Variants in DGKH observed in about 807,000 individuals in gnomAD.
DGKH encodes the protein diacylglycerol kinase eta, also known as DAG kinase eta.
DGKH carries 90 observed loss-of-function variants against 159.3 expected under a neutral mutation model. The ratio of observed to expected loss-of-function variants is 0.57; its 90% CI spans 0.48 to 0.67. The LOEUF is 0.67. DGKH is among the 30% of genes least tolerant of loss of function. The pLI is 0.00. For synonymous variants in DGKH, 536 were observed against 553.8 expected (o/e 0.97, Z 0.45); for missense variants, 1,181 against 1,506.1 (o/e 0.78, Z 3.57).
chr13:42,152,680 C>T (rs1015810171), intron 3 of DGKH, among the ~76,000 whole-genome samples: 1 of 127,098 alleles, frequency 7.9e-6, no homozygotes, highest in African/African-American at 2.5e-5. Flanking sequence ...GTTTCACTAT[C>T]ACCTTCTATT....
intron 13 of DGKH, among the ~76,000 whole-genome samples, chr13:42,183,337 C>G (rs1956826168): frequency 6.6e-6 from 1 of 150,678 alleles, no homozygotes. Context: ...CTTTAAAAAA[C>G]AATTCTTACT....
rs993866013 is a variant in DGKH, at chr13:42,242,164, T to G, written c.*12976T>G. The G allele has an allele frequency of 6.6e-6, 1 of 152,244 alleles. No individual in the cohort carries two copies. The highest frequency in any genetic ancestry group is 6.5e-5 in the Admixed American group (1 of 15,286). The allele number at this position is 152,244 out of a possible 1,614,324, so 9.4% of individuals were successfully genotyped here. On this transcript the variant is annotated 3_prime_UTR_variant, in exon 30 of 30. Coordinates refer to ENST00000337343, the MANE Select transcript of DGKH (RefSeq NM_178009.5). ...TGACATTCAGCACATTCATTTTATCTTTCGATAAAGATAACCAGAAATCAT... is the reference window on the plus strand; with the variant it reads ...TGACATTCAGCACATTCATTTTATCGTTCGATAAAGATAACCAGAAATCAT...
chr13:42,116,764 G>A (rs1007275831), intron 1 of DGKH, among the ~76,000 whole-genome samples: 3 of 152,186 alleles, frequency 2.0e-5, no homozygotes, highest in Admixed American at 1.3e-4. Context: ...ATCCATGTGT[G>A]TATATAATTT....
At chr13:42,247,293 T>C (rs924084681), downstream of DGKH, among the ~76,000 whole-genome samples, 1 of 149,914 alleles carries the variant, frequency 6.7e-6, no homozygotes, top group Non-Finnish European at 1.5e-5. Context: ...TACAATGGCA[T>C]GATCTCGACT....
chr13:42,155,610 A>C (rs1956023875), intron 4 of DGKH, 57 bp from the exon 5 acceptor site: 1 of 1,612,164 alleles, frequency 6.2e-7, no homozygotes, highest in African/African-American at 1.3e-5. Flanking sequence ...CAAACAGTTC[A>C]GCATCTGTAG....
rs780565413 is a variant in DGKH at position 42,178,263 on chromosome 13, A to G, written c.1538+43A>G. 18 of 1,456,576 alleles carry G rather than the reference A, an allele frequency of 1.2e-5. No homozygotes were observed. The Middle Eastern group carries it at 2.3e-3, about 187-fold the overall frequency. 90.2% of individuals were successfully genotyped at this position (1,456,576 alleles called of 1,614,324 possible). On this transcript the variant is annotated intron_variant, in intron 13 of 29. Coordinates refer to ENST00000337343, the MANE Select transcript of DGKH (RefSeq NM_178009.5). ...AGTCTTTAAATATGGTGAAAATGAAATGATAGCTGGCTCCTACCATTTAGG... is the reference window on the plus strand; with the variant it reads ...AGTCTTTAAATATGGTGAAAATGAAGTGATAGCTGGCTCCTACCATTTAGG...
At chr13:42,044,634 C>T (rs1382891735), upstream of DGKH, among the ~76,000 whole-genome samples, 1 of 152,188 alleles carries the variant, frequency 6.6e-6, no homozygotes, top group Non-Finnish European at 1.5e-5. Flanking sequence ...TGTTGCTGAA[C>T]TTTACGACAC....
At chr13:42,223,877 A>C (rs958611828) in intron 29 of DGKH, among the ~76,000 whole-genome samples, 9 of 151,998 alleles carry the variant, frequency 5.9e-5, no homozygotes, top group Non-Finnish European at 8.8e-5. Flanking sequence ...CCCAATAAGC[A>C]ATTTCTTATC....
intron 21 of DGKH, among the ~76,000 whole-genome samples, chr13:42,207,441 T>G (rs1183790793): frequency 6.6e-6 from 1 of 151,576 alleles, no homozygotes; most frequent in Non-Finnish European, 1.5e-5. Flanking sequence ...TCCACCCACC[T>G]CGGCCTCCCA....
At chr13:42,168,999 G>A (rs1366944045) in intron 11 of DGKH, among the ~76,000 whole-genome samples, 181 bp downstream of exon 11, 2 of 152,156 alleles carry the variant, frequency 1.3e-5, no homozygotes, top group African/African-American at 4.8e-5. Context: ...CTATCACAGA[G>A]AAGACACTCA....
At chr13:42,216,750 G>A (rs1182469822) in intron 26 of DGKH, 5 of 152,188 alleles carry the variant, frequency 3.3e-5, no homozygotes, top group African/African-American at 1.2e-4. Flanking sequence ...TGGCCATGAA[G>A]AAAACCTTTT....
At chr13:42,207,062 C>CCTTTCT (rs1957507703) in intron 21 of DGKH, among the ~76,000 whole-genome samples, 2 of 65,340 alleles carry the variant, frequency 3.1e-5, no homozygotes, top group Admixed American at 1.9e-4. Flanking sequence ...TCTTTCCTTC[C>CCTTTCT]TTCTTTCTTT....
At chr13:42,221,784 C>A (rs1957980131) in intron 29 of DGKH, among the ~76,000 whole-genome samples, 1 of 152,006 alleles carries the variant, frequency 6.6e-6, no homozygotes, top group African/African-American at 2.4e-5. Flanking sequence ...AAAATTAATG[C>A]AAAATACCAA....
intron 13 of DGKH, among the ~76,000 whole-genome samples, chr13:42,184,587 T>C (rs1244329217): frequency 3.3e-5 from 5 of 152,178 alleles, no homozygotes; most frequent in Non-Finnish European, 7.4e-5. Flanking sequence ...CTAGGCCTTA[T>C]GCAGTGGCTC....
intron 16 of DGKH, 58 bp from the exon 17 acceptor site, chr13:42,194,827 G>T (rs79647173): frequency 2.9e-5 from 44 of 1,536,436 alleles, no homozygotes; most frequent in South Asian, 3.7e-5. Flanking sequence ...TTATAGGAAC[G>T]TGCTTATTTT....
upstream of DGKH, among the ~76,000 whole-genome samples, chr13:42,046,389 C>T (rs1251617991): frequency 6.6e-6 from 1 of 152,160 alleles, no homozygotes; most frequent in African/African-American, 2.4e-5. Flanking sequence ...ATTCTAAAAA[C>T]TTCTAATTTA....
chr13:42,114,074 C>T (rs1291448587), intron 1 of DGKH, among the ~76,000 whole-genome samples: 3 of 152,084 alleles, frequency 2.0e-5, no homozygotes, highest in Admixed American at 1.3e-4. Flanking sequence ...TCTGTATACC[C>T]ATCCTCTCCA....
At chr13:42,246,137 T>C (rs1164940302), downstream of DGKH, among the ~76,000 whole-genome samples, 1 of 152,174 alleles carries the variant, frequency 6.6e-6, no homozygotes, top group African/African-American at 2.4e-5. Context: ...GAACCCCATC[T>C]TTCCTGTCCT....
At chr13:42,070,592 T>G in intron 1 of DGKH, 1 of 1,599,122 alleles carries the variant, frequency 6.3e-7, no homozygotes. Flanking sequence ...TCGCCTATCT[T>G]CAGCACCAAG....
Sources: allele counts gnomAD v4.1 joint callset (sites outside exome capture counted in the v4.1 genomes callset), GRCh38; gene constraint gnomAD v4.1.1; transcripts MANE v1.5; gene names NCBI Gene and HGNC (gene_info 2026-07-23, HGNC 2026-07-21).